CSMD3: variants seen among roughly 807,000 people sequenced by gnomAD.
CSMD3 encodes CUB and sushi domain-containing protein 3.
CSMD3 carries 177 observed loss-of-function variants against 435.2 expected under a neutral mutation model. The observed-to-expected ratio is 0.41, with a 90% confidence interval of 0.36 to 0.46. The LOEUF (loss-of-function observed/expected upper bound fraction) is 0.46. Among genes scored for constraint, CSMD3 ranks in the 20% least tolerant of loss-of-function variants. CSMD3 has a pLI of 0.34. For synonymous variants in CSMD3, 1,656 were observed against 1,520.5 expected, an observed-to-expected ratio of 1.09 and a Z score of -2.07; for missense variants, 4,265 against 4,504.6, an observed-to-expected ratio of 0.95 and a Z score of 1.52.
chr8:112,840,913 T>A (rs1414752284), intron 11 of CSMD3, among the ~76,000 whole-genome samples: 1 of 151,704 alleles, frequency 6.6e-6, no homozygotes, highest in Non-Finnish European at 1.5e-5. Flanking sequence ...CCAGCACTGT[T>A]ATAGTGATAT....
chr8:112,800,303 G>A (rs2132330671), intron 12 of CSMD3, 29 bp from the exon 13 acceptor site: 1 of 1,355,112 alleles, frequency 7.4e-7, no homozygotes, highest in African/African-American at 1.4e-5. Context: ...AGAAGGGAGA[G>A]ATGGGTTATT....
At position 112,229,523 on chromosome 8, in the gene CSMD3, G is replaced by A. The variant is rs533956539; in HGVS notation, c.10829-632C>T. Reference sequence around the variant, plus strand: ...GGCTGACTGCAGCCTCCACCTCCCCGGCTCAAGCGATCTTCCTGCCTCAGC... The same window carrying A: ...GGCTGACTGCAGCCTCCACCTCCCCAGCTCAAGCGATCTTCCTGCCTCAGC... On this transcript the variant is annotated intron_variant, in intron 69 of 70. Coordinates refer to ENST00000297405, the MANE Select transcript of CSMD3 (RefSeq NM_198123.2). 2.2e-4 allele frequency among the ~76,000 whole-genome samples: 34 copies of A among 151,950 alleles called. No individual in the cohort carries two copies. The East Asian group carries it at 2.3e-3, about 10-fold the overall frequency.
chr8:112,689,824 C>T, intron 14 of CSMD3, 44 bp downstream of exon 14: 1 of 1,537,384 alleles, frequency 6.5e-7, no homozygotes, highest in South Asian at 1.1e-5. Context: ...TATGCAAGGA[C>T]AGGGTAACAT....
rs963958256 is a variant in CSMD3, at chr8:112,662,719, A to C, written c.2816+3558T>G. 8.4e-3 allele frequency among the ~76,000 whole-genome samples: 1,274 copies of C among 152,080 alleles called. 10 individuals are homozygous for C. Among genetic ancestry groups the C allele is most frequent in the Non-Finnish European group, 0.013 (881 of 67,954 alleles). On this transcript the variant is annotated intron_variant, in intron 17 of 70. Coordinates refer to ENST00000297405, the MANE Select transcript of CSMD3 (RefSeq NM_198123.2). Reference sequence around the variant, plus strand: ...GCTTCTGCACAGCAAAAGAAACTACAATCAGAGTGAACAGGCAACCTACAG... The same window carrying C: ...GCTTCTGCACAGCAAAAGAAACTACCATCAGAGTGAACAGGCAACCTACAG...
chr8:113,218,451 A>C (rs1156961832), intron 3 of CSMD3, among the ~76,000 whole-genome samples: 4 of 147,842 alleles, frequency 2.7e-5, no homozygotes, highest in Non-Finnish European at 6.0e-5. Flanking sequence ...CTTTTAAAAA[A>C]TCAGTAAAGT....
chr8:112,888,708 T>G (rs901871549), intron 10 of CSMD3, among the ~76,000 whole-genome samples: 1 of 151,672 alleles, frequency 6.6e-6, no homozygotes, highest in African/African-American at 2.4e-5. Context: ...AAGAATTGAC[T>G]CATAAAATAT....
intron 4 of CSMD3, among the ~76,000 whole-genome samples, chr8:113,128,349 AC>A (rs1377811055): frequency 1.3e-5 from 2 of 152,064 alleles, no homozygotes; most frequent in Non-Finnish European, 2.9e-5. Context: ...TTTTCTGCTT[AC>A]CTATTAAAAA....
At chr8:113,317,547 C>T (rs1486307300) in intron 1 of CSMD3, among the ~76,000 whole-genome samples, 2 of 152,080 alleles carry the variant, frequency 1.3e-5, no homozygotes, top group African/African-American at 4.8e-5. Context: ...TATCTGTATT[C>T]TTCTTTTTAC....
chr8:112,946,176 T>C (rs1363154816), intron 9 of CSMD3, among the ~76,000 whole-genome samples: 1 of 151,838 alleles, frequency 6.6e-6, no homozygotes, highest in African/African-American at 2.4e-5. Context: ...TCATCAGTAA[T>C]ATTGTACATG....
intron 5 of CSMD3, among the ~76,000 whole-genome samples, chr8:113,079,673 C>T (rs1005526787): frequency 6.6e-6 from 1 of 152,032 alleles, no homozygotes; most frequent in Non-Finnish European, 1.5e-5. Flanking sequence ...GAAAGGCACA[C>T]TAGAAGAACA....
intron 4 of CSMD3, among the ~76,000 whole-genome samples, chr8:113,128,794 A>G (rs2091209248): frequency 6.6e-6 from 1 of 152,078 alleles, no homozygotes; most frequent in Non-Finnish European, 1.5e-5. Context: ...TTACTTTCAA[A>G]TTAATACATA....
At chr8:112,300,079 A>G (rs1405642772) in intron 53 of CSMD3, among the ~76,000 whole-genome samples, 1 of 148,670 alleles carries the variant, frequency 6.7e-6, no homozygotes, top group Non-Finnish European at 1.5e-5. Flanking sequence ...TTTAAAATTT[A>G]GTTTTATTTT....
intron 22 of CSMD3, among the ~76,000 whole-genome samples, chr8:112,620,261 T>TG (rs2131511012): frequency 6.6e-6 from 1 of 152,268 alleles, no homozygotes; most frequent in Admixed American, 6.5e-5. Flanking sequence ...GAAAGACATT[T>TG]GGGGGAAATT....
chr8:113,099,015 T>C, intron 4 of CSMD3, 52 bp from the exon 5 acceptor site: 2 of 1,217,106 alleles, frequency 1.6e-6, no homozygotes, highest in Non-Finnish European at 2.4e-6. Flanking sequence ...TAAATGCAAT[T>C]GTTCAGTTGT....
chr8:113,040,529 A>G (rs2087562001), intron 5 of CSMD3, among the ~76,000 whole-genome samples: 1 of 152,124 alleles, frequency 6.6e-6, no homozygotes, highest in Non-Finnish European at 1.5e-5. Context: ...GTCAATAGAG[A>G]GGTTGCTTTC....
chr8:112,869,616 A>C (rs2081075151), intron 10 of CSMD3, among the ~76,000 whole-genome samples: 2 of 152,228 alleles, frequency 1.3e-5, no homozygotes, highest in African/African-American at 2.4e-5. Flanking sequence ...GCAATAGCAA[A>C]GACTTGGAAC....
At chr8:112,376,597 A>G (rs1381349315) in intron 38 of CSMD3, among the ~76,000 whole-genome samples, 1 of 152,024 alleles carries the variant, frequency 6.6e-6, no homozygotes, top group Non-Finnish European at 1.5e-5. Flanking sequence ...GATGTTGAGG[A>G]GCTAATACTC....
At chr8:113,255,422 A>T (rs1381619820) in intron 3 of CSMD3, among the ~76,000 whole-genome samples, 2 of 152,110 alleles carry the variant, frequency 1.3e-5, no homozygotes, top group Non-Finnish European at 2.9e-5. Context: ...TTCTATAAGC[A>T]CATCATGACA....
intron 12 of CSMD3, among the ~76,000 whole-genome samples, chr8:112,824,594 T>A (rs1012417375): frequency 3.3e-5 from 5 of 152,208 alleles, no homozygotes; most frequent in Admixed American, 6.5e-5. Context: ...AAATTCTGGA[T>A]TGAAAATTCT....
Sources: allele counts gnomAD v4.1 joint callset (sites outside exome capture counted in the v4.1 genomes callset), GRCh38; gene constraint gnomAD v4.1.1; transcripts MANE v1.5; gene names NCBI Gene and HGNC (gene_info 2026-07-23, HGNC 2026-07-21).